The following TANC2 variants were observed in gnomAD, a reference collection of about 807,000 sequenced individuals.
The protein encoded by TANC2 is tetratricopeptide repeat, ankyrin repeat and coiled-coil containing 2, also known as protein TANC2.
TANC2 carries 26 observed loss-of-function variants against 210.5 expected under a neutral mutation model. That is an observed-to-expected ratio of 0.12 (90% CI 0.09 to 0.17). The LOEUF (loss-of-function observed/expected upper bound fraction) is 0.17. Ranked by LOEUF, TANC2 falls within the 10% of genes least tolerant of loss-of-function variation. The probability of loss-of-function intolerance (pLI) is 1.00; values close to 1 mark genes in which losing one functional copy is unlikely to be tolerated. For synonymous variants in TANC2, 931 were observed against 967.1 expected (o/e 0.96, Z 0.69); for missense variants, 2,129 against 2,608.9 (o/e 0.82, Z 4.01).
chr17:63,017,291 A>G (rs558717654), intron 2 of TANC2, among the ~76,000 whole-genome samples: 24 of 152,350 alleles, frequency 1.6e-4, no homozygotes, highest in African/African-American at 5.8e-4. Flanking sequence ...ATCCCTTATC[A>G]GTAAATGATA....
intron 9 of TANC2, among the ~76,000 whole-genome samples, chr17:63,278,556 G>A (rs181752742): frequency 2.6e-4 from 39 of 152,204 alleles, no homozygotes; most frequent in Non-Finnish European, 4.0e-4. Flanking sequence ...AGTTGCTATG[G>A]AAAACAGTAT....
intron 15 of TANC2, among the ~76,000 whole-genome samples, chr17:63,382,937 A>G (rs1211032622): frequency 1.3e-5 from 2 of 152,214 alleles, no homozygotes; most frequent in African/African-American, 4.8e-5. Flanking sequence ...AACTCTGGCT[A>G]TACATTAGAT....
chr17:63,282,313 G>A (rs1200504251), intron 9 of TANC2, among the ~76,000 whole-genome samples: 1 of 151,954 alleles, frequency 6.6e-6, no homozygotes, highest in African/African-American at 2.4e-5. Context: ...ACATTCTACA[G>A]ACATAGAAAG....
intron 27 of TANC2, among the ~76,000 whole-genome samples, 166 bp from the exon 28 acceptor site, chr17:63,419,833 A>G (rs544919333): frequency 7.2e-5 from 11 of 152,178 alleles, no homozygotes; most frequent in Non-Finnish European, 1.5e-4. Flanking sequence ...CTCTTCCAGA[A>G]TGAGTCTTCC....
chr17:63,374,879 G>A (rs768516066), intron 14 of TANC2, among the ~76,000 whole-genome samples: 4 of 152,102 alleles, frequency 2.6e-5, no homozygotes, highest in Non-Finnish European at 5.9e-5. Context: ...GTAGATTATT[G>A]GGATGGCCAG....
At chr17:63,419,916 GAT>G in intron 27 of TANC2, 81 bp from the exon 28 acceptor site, 1 of 1,436,268 alleles carries the variant, frequency 7.0e-7, no homozygotes, top group Non-Finnish European at 9.2e-7. Flanking sequence ...AGCTCTCTGA[GAT>G]AGTGACCATG....
At chr17:63,152,291 T>C (rs962963817) in intron 5 of TANC2, 5 of 152,096 alleles carry the variant, frequency 3.3e-5, no homozygotes, top group Non-Finnish European at 7.4e-5. Flanking sequence ...GGGGAAGATA[T>C]CAGTATCTGT....
chr17:63,223,376 A>G (rs1428096521), intron 7 of TANC2, among the ~76,000 whole-genome samples: 1 of 152,160 alleles, frequency 6.6e-6, no homozygotes, highest in Non-Finnish European at 1.5e-5. Flanking sequence ...GTTGCTCCAT[A>G]GAGAGAGCAG....
intron 14 of TANC2, among the ~76,000 whole-genome samples, chr17:63,363,462 A>G (rs1333931066): frequency 1.3e-5 from 2 of 151,980 alleles, no homozygotes; most frequent in Non-Finnish European, 2.9e-5. Flanking sequence ...AGTTTCCCTA[A>G]TATTTTCTTT....
intron 8 of TANC2, among the ~76,000 whole-genome samples, chr17:63,255,767 G>T (rs1317830501): frequency 6.6e-6 from 1 of 151,398 alleles, no homozygotes. Context: ...TCATTTCATT[G>T]ATCTTTTGTA....
At chr17:63,422,843 G>A (rs1233781086) in exon 28 of TANC2, 1 of 152,208 alleles carries the variant, frequency 6.6e-6, no homozygotes, top group Non-Finnish European at 1.5e-5. Context: ...GCTATAGGAA[G>A]TCTGTTCTGG....
At chr17:63,202,482 A>G (rs1567810978) in intron 7 of TANC2, among the ~76,000 whole-genome samples, 1 of 152,174 alleles carries the variant, frequency 6.6e-6, no homozygotes, top group Non-Finnish European at 1.5e-5. Context: ...AATTTTAATT[A>G]AAAGTTATTT....
chr17:63,239,774 G>A (rs1306942153), intron 8 of TANC2, among the ~76,000 whole-genome samples: 1 of 152,130 alleles, frequency 6.6e-6, no homozygotes, highest in African/African-American at 2.4e-5. Flanking sequence ...AAAGAAAAGA[G>A]GTTGAATTGG....
chr17:63,420,618 C>G lies in TANC2; in HGVS notation c.4888C>G (p.Pro1630Ala). The change falls in exon 28 of 28, where the codon CCT (proline) becomes GCT (alanine). Residue 1630 changes from proline (P) to alanine (A), a missense_variant. Pro to Ala is a conservative substitution (Grantham distance 27). Transcript: ENST00000689528. The surrounding 1 kb of genome is among the most constrained non-coding windows in gnomAD (Gnocchi z 4.2). The stretch of plus-strand genomic sequence containing the variant: ...GAGAGGCCCTCAGTATCGGGCCAGC[C>G]CTCCAGCTGAAAGTATGAGTGTCTA... 6.2e-7 allele frequency: 1 copy of G among 1,613,958 alleles called. No homozygotes were observed. Among genetic ancestry groups the G allele is most frequent in the Non-Finnish European group, 8.5e-7 (1 of 1,179,870 alleles).
rs1442937722 is a variant in TANC2 at position 63,388,532 on chromosome 17, G to A, written c.2692-103G>A. 30 of 1,206,160 alleles carry A rather than the reference G, an allele frequency of 2.5e-5. 1 individual carries two copies. The highest frequency in any genetic ancestry group is 4.0e-4 in the Middle Eastern group (2 of 5,062). The allele number at this position is 1,206,160 out of a possible 1,614,324, so 74.7% of individuals were successfully genotyped here. Reference sequence around the variant, plus strand: ...ATGAACATTGTTAGGGTGAGACTCCGCTCTCATTCATTAGTACCAAAAACA... The same window carrying A: ...ATGAACATTGTTAGGGTGAGACTCCACTCTCATTCATTAGTACCAAAAACA... On this transcript the variant is annotated intron_variant, in intron 15 of 27. Transcript: ENST00000689528.
chr17:63,087,319 G>A (rs2037008292), intron 3 of TANC2, among the ~76,000 whole-genome samples: 1 of 152,218 alleles, frequency 6.6e-6, no homozygotes, highest in African/African-American at 2.4e-5. Flanking sequence ...GTGTTCAGGT[G>A]TGTGGGAAAA....
intron 5 of TANC2, among the ~76,000 whole-genome samples, chr17:63,156,799 A>G (rs767379841): frequency 6.6e-6 from 1 of 151,892 alleles, no homozygotes; most frequent in East Asian, 1.9e-4. Flanking sequence ...GGCTCAAGCA[A>G]CCTTCTGCCT....
chr17:63,127,019 A>G (rs2038736238), intron 4 of TANC2, among the ~76,000 whole-genome samples: 1 of 152,226 alleles, frequency 6.6e-6, no homozygotes. Context: ...GAGGCTGGGG[A>G]CATACTGCAG....
chr17:63,126,868 G>C (rs987552881), intron 4 of TANC2, among the ~76,000 whole-genome samples: 17 of 152,114 alleles, frequency 1.1e-4, no homozygotes, highest in African/African-American at 4.1e-4. Flanking sequence ...TGATTCTTAG[G>C]ACTCTAACAG....
Sources: gnomAD v4.1 joint callset for allele counts (sites outside exome capture counted in the v4.1 genomes callset) on GRCh38, gnomAD v4.1.1 for gene constraint, Gnocchi (gnomAD v3.1) non-coding constraint, MANE v1.5 for transcripts, NCBI Gene and HGNC (gene_info 2026-07-23, HGNC 2026-07-21) for gene names.